SNAP25: variants seen among roughly 807,000 people sequenced by gnomAD.
SNAP25 encodes synaptosome associated protein 25.
In SNAP25, 3 loss-of-function variants were observed where a neutral mutation model predicts 28.7. The observed-to-expected ratio is 0.10, with a 90% confidence interval of 0.05 to 0.27. The LOEUF is 0.27. Among genes scored for constraint, SNAP25 ranks in the 10% least tolerant of loss-of-function variants. The probability of loss-of-function intolerance (pLI) is 1.00; values close to 1 mark genes in which losing one functional copy is unlikely to be tolerated. For synonymous variants in SNAP25, 61 were observed against 88.1 expected (o/e 0.69, Z 1.72); for missense variants, 117 against 278.7 (o/e 0.42, Z 4.13).
intron 1 of SNAP25, among the ~76,000 whole-genome samples, chr20:10,248,501 C>A (rs945303680): frequency 1.3e-5 from 2 of 152,114 alleles, no homozygotes; most frequent in Non-Finnish European, 2.9e-5. Flanking sequence ...GACCTTGTTT[C>A]TATCTATATT....
intron 3 of SNAP25, among the ~76,000 whole-genome samples, chr20:10,281,021 CG>C (rs1216938099): frequency 6.6e-6 from 1 of 151,848 alleles, no homozygotes; most frequent in African/African-American, 2.4e-5. Context: ...CATCTCAGAA[CG>C]GCAAAAGAAA....
chr20:10,290,123 C>G (rs1308821449), intron 4 of SNAP25, among the ~76,000 whole-genome samples: 1 of 152,070 alleles, frequency 6.6e-6, no homozygotes, highest in East Asian at 1.9e-4. Context: ...GCTGTTCATC[C>G]CAGAATGAGA....
At chr20:10,235,295 T>C (rs1247148956) in intron 1 of SNAP25, among the ~76,000 whole-genome samples, 1 of 152,196 alleles carries the variant, frequency 6.6e-6, no homozygotes, top group East Asian at 1.9e-4. Flanking sequence ...ACCAATTTTA[T>C]TGAAGTACAA....
chr20:10,225,143 C>T (rs2062712235), intron 1 of SNAP25, among the ~76,000 whole-genome samples: 1 of 151,744 alleles, frequency 6.6e-6, no homozygotes, highest in Admixed American at 6.6e-5. Context: ...AGCTTTAAAG[C>T]CTATGAGGTC....
chr20:10,238,227 G>A (rs2062959182), intron 1 of SNAP25, among the ~76,000 whole-genome samples: 1 of 152,186 alleles, frequency 6.6e-6, no homozygotes, highest in Non-Finnish European at 1.5e-5. Context: ...TTCTAGTGGG[G>A]AAGGAATCAT....
At chr20:10,228,836 G>T (rs755518847) in intron 1 of SNAP25, among the ~76,000 whole-genome samples, 9 of 152,080 alleles carry the variant, frequency 5.9e-5, no homozygotes, top group Non-Finnish European at 1.0e-4. Flanking sequence ...TTACATGAAG[G>T]CCATATGCTT....
rs374742380 is a variant in SNAP25 at position 10,296,984 on chromosome 20, C to A, written c.341C>A (p.Ala114Asp). 6.2e-7 allele frequency: 1 copy of A among 1,613,350 alleles called. No homozygotes were observed. The highest frequency in any genetic ancestry group is 8.5e-7 in the Non-Finnish European group (1 of 1,179,674). ...GGCAATAATCAGGACGGAGTGGTGGCCAGCCAGCCTGCTCGTGTAGTGGAC... is the reference window on the plus strand; with the variant it reads ...GGCAATAATCAGGACGGAGTGGTGGACAGCCAGCCTGCTCGTGTAGTGGAC... ...AWGNNQDGVVASQPARVVDER... is the reference protein window; with the variant it reads ...AWGNNQDGVVDSQPARVVDER... Residue 114 changes from alanine (A) to aspartate (D), a missense_variant, in exon 6 of 8, where the codon GCC becomes GAC. Ala to Asp is a moderately radical substitution (Grantham distance 126). This residue lies in a region of SNAP25 where 88 missense variants were observed against 206.9 expected (regional missense o/e 0.43). Transcript: ENST00000254976.
intron 1 of SNAP25, among the ~76,000 whole-genome samples, chr20:10,238,523 T>C (rs866825017): frequency 1.3e-5 from 2 of 151,960 alleles, no homozygotes; most frequent in African/African-American, 4.8e-5. Context: ...GCAAAAAATA[T>C]AAGGGGAATG....
intron 1 of SNAP25, among the ~76,000 whole-genome samples, chr20:10,259,889 C>A (rs934570664): frequency 5.3e-5 from 8 of 152,324 alleles, no homozygotes; most frequent in African/African-American, 1.9e-4. Context: ...ACTATACATA[C>A]ACCTCGGCTT....
At chr20:10,259,316 G>A (rs1250091530) in intron 1 of SNAP25, among the ~76,000 whole-genome samples, 1 of 152,138 alleles carries the variant, frequency 6.6e-6, no homozygotes, top group East Asian at 1.9e-4. Context: ...CTCCTTCCTG[G>A]GAGTTTGCTG....
intron 1 of SNAP25, among the ~76,000 whole-genome samples, chr20:10,221,329 T>A (rs772063226): frequency 1.3e-5 from 2 of 152,162 alleles, no homozygotes; most frequent in Non-Finnish European, 2.9e-5. Flanking sequence ...TGTGCACAAT[T>A]AGAAAGCTAA....
intron 1 of SNAP25, among the ~76,000 whole-genome samples, chr20:10,247,987 A>G (rs1452401970): frequency 6.6e-6 from 1 of 152,096 alleles, no homozygotes; most frequent in African/African-American, 2.4e-5. Flanking sequence ...AGCTAAGATG[A>G]TTTCTCTCTG....
At chr20:10,256,510 A>G (rs940041812) in intron 1 of SNAP25, among the ~76,000 whole-genome samples, 1 of 152,212 alleles carries the variant, frequency 6.6e-6, no homozygotes, top group Non-Finnish European at 1.5e-5. Context: ...TGGAATATGC[A>G]AACATTTTAC....
At position 10,286,487 on chromosome 20, in the gene SNAP25, G is replaced by A. The variant is rs936502570; in HGVS notation, c.163+1715G>A. Among the ~76,000 whole-genome samples the A allele has an allele frequency of 5.3e-5, 8 of 152,098 alleles. 1 individual carries two copies. Among genetic ancestry groups the A allele is most frequent in the African/African-American group, 1.4e-4 (6 of 41,408 alleles). ...CCTCGGCCAGGCCAATGGGGAGCCC[G>A]AGAGCAAAGATTGCTGATTAGAGGA... is the stretch of plus-strand genomic sequence containing the variant. On this transcript the variant is annotated intron_variant, in intron 4 of 7. Transcript: ENST00000254976.
At chr20:10,263,427 G>A (rs984529032) in intron 1 of SNAP25, among the ~76,000 whole-genome samples, 1 of 152,084 alleles carries the variant, frequency 6.6e-6, no homozygotes, top group Non-Finnish European at 1.5e-5. Flanking sequence ...GACTACTGAA[G>A]GCAAAACTGT....
intron 1 of SNAP25, chr20:10,219,328 G>C (rs149137411): frequency 6.6e-6 from 1 of 152,176 alleles, no homozygotes. Flanking sequence ...CTCCCCTGTC[G>C]TTCTAACCCT....
In SNAP25 at chr20:10,275,485, C is replaced by T. The variant is rs375460786; in HGVS notation, c.-7C>T. The stretch of plus-strand genomic sequence containing the variant: ...GCCCAGGCGCCCAGCCACTCCCCAC[C>T]GCTACCATGGCCGAAGACGCAGACA... On this transcript the variant is annotated 5_prime_UTR_variant, in exon 2 of 8. Coordinates refer to ENST00000254976, the MANE Select transcript of SNAP25 (RefSeq NM_130811.4). 1.4e-5 allele frequency: 23 copies of T among 1,600,694 alleles called. No homozygotes were observed. The highest frequency in any genetic ancestry group is 1.3e-4 in the East Asian group (6 of 44,566).
chr20:10,226,599 T>C (rs1413327664), intron 1 of SNAP25, among the ~76,000 whole-genome samples: 1 of 152,158 alleles, frequency 6.6e-6, no homozygotes, highest in Non-Finnish European at 1.5e-5. Context: ...TTCAATGGGA[T>C]GCCTTTTAGA....
chr20:10,265,256 A>G (rs2063487722), intron 1 of SNAP25, among the ~76,000 whole-genome samples: 1 of 152,226 alleles, frequency 6.6e-6, no homozygotes, highest in Non-Finnish European at 1.5e-5. Context: ...AAAATTTACA[A>G]CTATGAACAC....
Sources: allele counts gnomAD v4.1 joint callset (sites outside exome capture counted in the v4.1 genomes callset), GRCh38; gene constraint gnomAD v4.1.1; regional missense constraint gnomAD v4.1.1; transcripts MANE v1.5; gene names NCBI Gene and HGNC (gene_info 2026-07-23, HGNC 2026-07-21).